Variants in IL12RB1 observed in about 807,000 individuals in gnomAD.
IL12RB1 encodes the protein interleukin 12 receptor subunit beta 1, also known as interleukin-12 receptor subunit beta-1.
A neutral mutation model predicts 94.4 loss-of-function variants in IL12RB1; 64 were observed. That is an observed-to-expected ratio of 0.68 (90% confidence interval 0.55 to 0.83). The LOEUF (loss-of-function observed/expected upper bound fraction) is 0.83. Ranked by LOEUF, IL12RB1 falls within the 40% of genes least tolerant of loss-of-function variation. The pLI, the probability that IL12RB1 is intolerant of heterozygous loss-of-function variation, is 0.00. For missense variants in IL12RB1, 814 were observed against 855.6 expected (o/e 0.95, Z 0.61); for synonymous variants, 362 against 355.5 (o/e 1.02, Z -0.21).
rs751973741 is a variant in IL12RB1, at chr19:18,066,535, C to T, written c.1483+7G>A. On this transcript the variant is annotated splice_region_variant and intron_variant, in intron 12 of 16. Transcript: ENST00000593993. ...TCCCCAAGCCAGGTCTGCACTGCCT[C>T]ACGTACCTGACACCTGTTTGCTGTC... 5.0e-6 allele frequency: 8 copies of T among 1,608,526 alleles called. No individual in the cohort carries two copies. The highest frequency in any genetic ancestry group is 8.5e-7 in the Non-Finnish European group (1 of 1,175,328).
At chr19:18,080,038 C>T (rs1179035385) in intron 4 of IL12RB1, among the ~76,000 whole-genome samples, 1 of 151,886 alleles carries the variant, frequency 6.6e-6, no homozygotes, top group African/African-American at 2.4e-5. Flanking sequence ...TTCCTTCATT[C>T]TTTTCTTTTC....
intron 3 of IL12RB1, 45 bp downstream of exon 3, chr19:18,082,105 G>A (rs371565671): frequency 8.1e-5 from 99 of 1,220,570 alleles, no homozygotes; most frequent in Middle Eastern, 1.9e-4. Context: ...TGAAGCAAGA[G>A]TGGGATGGTG....
rs1488224749 is a variant in IL12RB1, at chr19:18,093,339, T to C, written c.-229-2570A>G. Among the ~76,000 whole-genome samples, 6 of 139,814 alleles carry C rather than the reference T, an allele frequency of 4.3e-5. No individual in the cohort carries two copies. In the East Asian group the frequency reaches 8.0e-4, roughly 19 times the overall value. 91.7% of individuals were successfully genotyped at this position (139,814 alleles called of 152,430 possible). On this transcript the variant is annotated intron_variant, in intron 1 of 4. Coordinates refer to the IL12RB1 transcript ENST00000594176. Reference sequence around the variant, plus strand: ...AAAAACAAAAAAACACAAATATATATATATATATACTTGTGTGTGTGCGTG... The same window carrying C: ...AAAAACAAAAAAACACAAATATATACATATATATACTTGTGTGTGTGCGTG...
In IL12RB1 at chr19:18,059,485, G is replaced by A. The variant is rs1032955548; in HGVS notation, c.*123C>T. 5 of 724,608 alleles carry A rather than the reference G, an allele frequency of 6.9e-6. No individual in the cohort carries two copies. The highest frequency in any genetic ancestry group is 2.0e-5 in the Admixed American group (1 of 50,390). 44.9% of individuals were successfully genotyped at this position (724,608 alleles called of 1,614,324 possible). On this transcript the variant is annotated 3_prime_UTR_variant, in exon 17 of 17. Coordinates refer to ENST00000593993, the MANE Select transcript of IL12RB1 (RefSeq NM_005535.3). ...CGCAGGATGGGTGGCAACAGGCACG[G>A]GGCAGAGAGGAGGCAGGTGCACTGG...
chr19:18,096,832 T>TA (rs147883182), intron 1 of IL12RB1, among the ~76,000 whole-genome samples: 50,775 of 134,912 alleles, frequency 0.38, 9,379 homozygotes, highest in Admixed American at 0.43. Flanking sequence ...TCTCATAAAT[T>TA]AAAAAAAAAA....
At chr19:18,088,540 G>A (rs1356144699), upstream of IL12RB1, among the ~76,000 whole-genome samples, 1 of 150,614 alleles carries the variant, frequency 6.6e-6, no homozygotes, top group Non-Finnish European at 1.5e-5. Context: ...CTCCAGTCTG[G>A]GTAACAGAGC....
In IL12RB1 at chr19:18,069,695, A is replaced by C; in HGVS notation, c.1040T>G (p.Ile347Ser). The change falls in exon 10 of 17, where the codon ATC becomes AGC. Residue 347 changes from isoleucine to serine, a missense_variant. Transcript: ENST00000593993. The part of the protein sequence containing the change: ...DTHTEPVALN[I>S]SVGTNGTTMY... ...GGTGGTCCCGTTGGTTCCGACGCTGATATTCAGAGCCACTGGTTCTGGAAG... is the reference window on the plus strand; with the variant it reads ...GGTGGTCCCGTTGGTTCCGACGCTGCTATTCAGAGCCACTGGTTCTGGAAG... The C allele has an allele frequency of 6.2e-7, 1 of 1,612,136 alleles. No individual in the cohort carries two copies. Among genetic ancestry groups the C allele is most frequent in the South Asian group, 1.1e-5 (1 of 91,050 alleles).
At chr19:18,073,313 C>G (rs564878712) in intron 8 of IL12RB1, among the ~76,000 whole-genome samples, 55 of 152,262 alleles carry the variant, frequency 3.6e-4, no homozygotes, top group African/African-American at 1.2e-3. Context: ...CTGTGAACAT[C>G]TGAGTCCAGT....
At chr19:18,086,224 GTAAA>G (rs71833814) in intron 1 of IL12RB1, among the ~76,000 whole-genome samples, 50,250 of 140,234 alleles carry the variant, frequency 0.36, 9,388 homozygotes, top group East Asian at 0.61. Context: ...CCCTACCTCA[GTAAA>G]TAAATAAATA....
chr19:18,096,116 T>C (rs1319335294), intron 1 of IL12RB1, among the ~76,000 whole-genome samples: 1 of 152,030 alleles, frequency 6.6e-6, no homozygotes, highest in African/African-American at 2.4e-5. Flanking sequence ...TGGTCCCACC[T>C]ACTCTGGGAG....
intron 15 of IL12RB1, 96 bp from the exon 16 acceptor site, chr19:18,060,181 T>G: frequency 8.8e-6 from 6 of 680,522 alleles, no homozygotes; most frequent in Non-Finnish European, 1.6e-5. Context: ...TTAAATTCTC[T>G]AACATCCTGA....
intron 1 of IL12RB1, chr19:18,097,785 C>A (rs935854277): frequency 1.6e-6 from 2 of 1,218,936 alleles, no homozygotes; most frequent in Non-Finnish European, 2.0e-6. Flanking sequence ...GGCGCGGACT[C>A]CCGGGCCATG....
In IL12RB1 at chr19:18,068,490, C is replaced by T; in HGVS notation, c.1226G>A (p.Gly409Glu). 6.2e-7 allele frequency: 1 copy of T among 1,612,058 alleles called. No homozygotes were observed. Among genetic ancestry groups the T allele is most frequent in the Non-Finnish European group, 8.5e-7 (1 of 1,178,406 alleles). The change falls in exon 11 of 17, where the codon GGG becomes GAG. Residue 409 changes from glycine (G) to glutamate (E), a missense_variant. Coordinates refer to ENST00000593993, the MANE Select transcript of IL12RB1 (RefSeq NM_005535.3). ...YSWSRESGAM[G>E]QEKCYYITIF... ...GGTAATGTAGTAACACTTTTCCTGC[C>T]CCATTGCCCCAGACTCTCGACTCCA...
rs1033191559 is a variant in IL12RB1, at chr19:18,080,809, C to CG, written c.409+22dup. 5.2e-6 allele frequency: 8 copies of CG among 1,552,688 alleles called. No individual in the cohort carries two copies. In the African/African-American group the frequency reaches 8.1e-5, roughly 16 times the overall value. Reference sequence around the variant, plus strand: ...ATGGCCTCTCTGGGTAAAAAACGGACGGGGGGAGAACAAGGTGCTAACCTG... The same window carrying CG: ...ATGGCCTCTCTGGGTAAAAAACGGACGGGGGGGAGAACAAGGTGCTAACCTG... On this transcript the variant is annotated intron_variant, in intron 4 of 16. Coordinates refer to ENST00000593993, the MANE Select transcript of IL12RB1 (RefSeq NM_005535.3).
intron 12 of IL12RB1, among the ~76,000 whole-genome samples, chr19:18,064,656 T>C (rs1054807476): frequency 2.0e-5 from 3 of 151,842 alleles, no homozygotes; most frequent in Non-Finnish European, 2.9e-5. Context: ...GTATTTTTAA[T>C]ACACATGAGG....
chr19:18,087,765 G>A (rs981212881), upstream of IL12RB1, among the ~76,000 whole-genome samples: 2 of 151,214 alleles, frequency 1.3e-5, no homozygotes, highest in African/African-American at 2.4e-5. Context: ...CAAATGATCC[G>A]TCCGCCTTGG....
rs2036054113 is a variant in IL12RB1, at chr19:18,083,431, C to T, written c.124+1G>A. On this transcript the variant is annotated splice_donor_variant, in intron 2 of 16. Transcript: ENST00000593993. LOFTEE classifies it high-confidence loss of function. ...GCCAACAATGAGGAACTGCCCCGAA[C>T]CTGAGTCTGCATCCGGATATGGCGG... 1.2e-6 allele frequency: 2 copies of T among 1,614,044 alleles called. No individual in the cohort carries two copies. Among genetic ancestry groups the T allele is most frequent in the Non-Finnish European group, 1.7e-6 (2 of 1,179,958 alleles).
intron 15 of IL12RB1, 45 bp downstream of exon 15, chr19:18,061,077 T>C (rs1251337866): frequency 2.0e-6 from 2 of 1,005,844 alleles, no homozygotes; most frequent in Non-Finnish European, 3.1e-6. Flanking sequence ...TTGTCCAGCA[T>C]GTGCACCCAA....
rs267605360 is a variant in IL12RB1, at chr19:18,062,240, G to T, written c.1656C>A (p.Ser552=). 8.1e-6 allele frequency: 13 copies of T among 1,613,094 alleles called. No individual in the cohort carries two copies. Among genetic ancestry groups the T allele is most frequent in the Non-Finnish European group, 1.1e-5 (13 of 1,179,512 alleles). Residue 552 remains serine, a synonymous_variant, in exon 14 of 17, where the codon TCC becomes TCA. Coordinates refer to ENST00000593993, the MANE Select transcript of IL12RB1 (RefSeq NM_005535.3). The stretch of plus-strand genomic sequence containing the variant: ...GAAGGATGCTCAGGAAGCTCCCCAG[G>T]GAGGCGAAGAAGATGAGCCAATCAG... ...QVSDWLIFFA[S]LGSFLSILLV...
Sources: gnomAD v4.1 joint callset for allele counts (sites outside exome capture counted in the v4.1 genomes callset) on GRCh38, gnomAD v4.1.1 for gene constraint, MANE v1.5 for transcripts, NCBI Gene and HGNC (gene_info 2026-07-23, HGNC 2026-07-21) for gene names.